The following SOX9 variants were observed in gnomAD, a reference collection of about 807,000 sequenced individuals.
SOX9 encodes SRY-box transcription factor 9, also known as transcription factor SOX-9.
Under a neutral mutation model 44.8 loss-of-function variants are expected in SOX9, and 2 were observed. The ratio of observed to expected loss-of-function variants is 0.04; its 90% CI spans 0.02 to 0.14. The LOEUF (loss-of-function observed/expected upper bound fraction) is 0.14. SOX9 is among the 10% of genes least tolerant of loss of function. The pLI is 1.00. For missense variants in SOX9, 583 were observed against 728.6 expected, an observed-to-expected ratio of 0.80 and a Z score of 2.30; for synonymous variants, 381 against 331.8, an observed-to-expected ratio of 1.15 and a Z score of -1.61.
rs761407840 is a variant in SOX9 at position 72,122,875 on chromosome 17, G to A, written c.588G>A (p.Thr196=). The change falls in exon 2 of 3, where the codon ACG becomes ACA. Residue 196 remains threonine (T), a synonymous_variant. Coordinates refer to ENST00000245479, the MANE Select transcript of SOX9 (RefSeq NM_000346.4). ...AGGCAGAGGAGGCCACGGAGCAGAC[G>A]CACATCTCCCCCAACGCCATCTTCA... ...QAEAEEATEQ[T]HISPNAIFKA... is the part of the protein sequence containing the mutation. The A allele has an allele frequency of 1.2e-6, 2 of 1,614,146 alleles. No homozygotes were observed. The highest frequency in any genetic ancestry group is 8.5e-7 in the Non-Finnish European group (1 of 1,180,026).
rs1252056295 is a variant in SOX9, at chr17:72,122,779, G to A, written c.492G>A (p.Gln164=). 3 of 1,614,120 alleles carry A rather than the reference G, an allele frequency of 1.9e-6. No individual in the cohort carries two copies. Among genetic ancestry groups the A allele is most frequent in the Admixed American group, 1.7e-5 (1 of 60,020 alleles). Residue 164 remains glutamine, a synonymous_variant, in exon 2 of 3, where the codon CAG becomes CAA. Transcript: ENST00000245479. ...AGGAGGCGGAGCGGCTGCGCGTGCA[G>A]CACAAGAAGGACCACCCGGATTACA... ...FVEEAERLRV[Q]HKKDHPDYKY...
rs2143236435 is a variant in SOX9, at chr17:72,121,431, C to A, written c.40C>A (p.Gln14Lys). The A allele has an allele frequency of 6.2e-7, 1 of 1,612,870 alleles. No homozygotes were observed. The highest frequency in any genetic ancestry group is 8.5e-7 in the Non-Finnish European group (1 of 1,179,876). The change falls in exon 1 of 3, where the codon CAG becomes AAG. Residue 14 changes from glutamine (Q) to lysine (K), a missense_variant. Gln to Lys is a moderately conservative substitution (Grantham distance 53). Transcript: ENST00000245479. The surrounding 1 kb of genome is among the most constrained non-coding windows in gnomAD (Gnocchi z 8.3). The stretch of plus-strand genomic sequence containing the variant: ...CCCCTTCATGAAGATGACCGACGAG[C>A]AGGAGAAGGGCCTGTCCGGCGCCCC... Reference protein sequence around the residue: ...LDPFMKMTDEQEKGLSGAPSP... With the variant: ...LDPFMKMTDEKEKGLSGAPSP...
Position 72,123,072 on chromosome 17 carries a change from C to A in SOX9, c.685+100C>A, listed in dbSNP as rs2143248310. 2.7e-6 allele frequency: 4 copies of A among 1,473,854 alleles called. No individual in the cohort carries two copies. Among genetic ancestry groups the A allele is most frequent in the Non-Finnish European group, 3.7e-6 (4 of 1,076,266 alleles). The allele number at this position is 1,473,854 out of a possible 1,614,324, so 91.3% of individuals were successfully genotyped here. A position where few individuals can be genotyped will look rare whatever the true frequency, so the allele number is the denominator to read the frequency against. On this transcript the variant is annotated intron_variant, in intron 2 of 2. Transcript: ENST00000245479. The surrounding 1 kb of genome is among the most constrained non-coding windows in gnomAD (Gnocchi z 6.5). ...GATTCTTCGTGGGGACTTTATGCTT[C>A]CCGGGAGGGACACACTGCCCTTTGC...
rs2143240860 is a variant in SOX9 at position 72,121,786 on chromosome 17, A to G, written c.395A>G (p.Asn132Ser). ...GCGGACCAGTACCCGCACTTGCACA[A>G]CGCCGAGCTCAGCAAGACGCTGGGC... ...KLADQYPHLH[N>S]AELSKTLGKL... Residue 132 changes from asparagine to serine, a missense_variant, in exon 1 of 3, where the codon AAC (asparagine) becomes AGC (serine). Transcript: ENST00000245479. The surrounding 1 kb of genome is among the most constrained non-coding windows in gnomAD (Gnocchi z 8.3). 6.3e-7 allele frequency: 1 copy of G among 1,594,958 alleles called. No individual in the cohort carries two copies. The highest frequency in any genetic ancestry group is 8.5e-7 in the Non-Finnish European group (1 of 1,171,542).
Position 72,125,855 on chromosome 17 carries a change from T to C in SOX9, c.*1468T>C. ...CAAATGTAGTGTATCACTGAGTCATTTGCAGTGTTTTCTGCCACAGACCTT... is the reference window on the plus strand; with the variant it reads ...CAAATGTAGTGTATCACTGAGTCATCTGCAGTGTTTTCTGCCACAGACCTT... On this transcript the variant is annotated 3_prime_UTR_variant, in exon 3 of 3. Transcript: ENST00000245479. 4.3e-6 allele frequency: 1 copy of C among 232,404 alleles called. No homozygotes were observed. Among genetic ancestry groups the C allele is most frequent in the East Asian group, 6.1e-5 (1 of 16,428 alleles). 14.4% of individuals were successfully genotyped at this position (232,404 alleles called of 1,614,324 possible).
chr17:72,123,425 G>A lies in SOX9; in HGVS notation c.686-118G>A, dbSNP rs551273259. On this transcript the variant is annotated intron_variant, in intron 2 of 2. Coordinates refer to ENST00000245479, the MANE Select transcript of SOX9 (RefSeq NM_000346.4). The surrounding 1 kb of genome is among the most constrained non-coding windows in gnomAD (Gnocchi z 6.5). Reference sequence around the variant, plus strand: ...CTCCGGTGCAGCGCGCCTCTTGCGCGGGTGCGGGCCCTTATTACACTTTAG... The same window carrying A: ...CTCCGGTGCAGCGCGCCTCTTGCGCAGGTGCGGGCCCTTATTACACTTTAG... 2 of 1,402,214 alleles carry A rather than the reference G, an allele frequency of 1.4e-6. No individual in the cohort carries two copies. The highest frequency in any genetic ancestry group is 2.0e-6 in the Non-Finnish European group (2 of 997,508). The allele number at this position is 1,402,214 out of a possible 1,614,324, so 86.9% of individuals were successfully genotyped here.
rs1598174846 is a variant in SOX9 at position 72,121,180 on chromosome 17, G to A, written c.-212G>A. On this transcript the variant is annotated 5_prime_UTR_variant, in exon 1 of 3. Transcript: ENST00000245479. The surrounding 1 kb of genome is among the most constrained non-coding windows in gnomAD (Gnocchi z 8.3). ...CTCCCCTCCTCCTCCTCTCCAATTCGCCTCCCCCCACTTGGAGCGGGCAGC... is the reference window on the plus strand; with the variant it reads ...CTCCCCTCCTCCTCCTCTCCAATTCACCTCCCCCCACTTGGAGCGGGCAGC... 1.0e-5 allele frequency: 6 copies of A among 579,528 alleles called. No homozygotes were observed. The East Asian group carries it at 1.2e-4, about 12-fold the overall frequency. 35.9% of individuals were successfully genotyped at this position (579,528 alleles called of 1,614,324 possible). A position where few individuals can be genotyped will look rare whatever the true frequency, so the allele number is the denominator to read the frequency against.
In SOX9 at chr17:72,125,954, T is replaced by C. The variant is rs140205038; in HGVS notation, c.*1567T>C. On this transcript the variant is annotated 3_prime_UTR_variant, in exon 3 of 3. Coordinates refer to ENST00000245479, the MANE Select transcript of SOX9 (RefSeq NM_000346.4). ...ACAAAAACAATGCAAGCATGTGTCA[T>C]CCATATTTCTCTGCATCTTCTCTTG... 28 of 232,792 alleles carry C rather than the reference T, an allele frequency of 1.2e-4. No individual in the cohort carries two copies. Among genetic ancestry groups the C allele is most frequent in the Non-Finnish European group, 2.0e-4 (24 of 117,672 alleles). The allele number at this position is 232,792 out of a possible 1,614,324, so 14.4% of individuals were successfully genotyped here.
chr17:72,124,105 A>G lies in SOX9; in HGVS notation c.1248A>G (p.Gln416=), dbSNP rs2143255935. The G allele has an allele frequency of 6.2e-7, 1 of 1,613,668 alleles. No homozygotes were observed. The highest frequency in any genetic ancestry group is 8.5e-7 in the Non-Finnish European group (1 of 1,179,958). The change falls in exon 3 of 3, where the codon CAA becomes CAG. Residue 416 remains glutamine (Q), a synonymous_variant. Transcript: ENST00000245479. The surrounding 1 kb of genome is among the most constrained non-coding windows in gnomAD (Gnocchi z 4.6). ...GCGAGCAGCAGCAGCACTCGCCCCA[A>G]CAGATCGCCTACAGCCCCTTCAACC... ...HYSEQQQHSP[Q]QIAYSPFNLP...
rs201601287 is a variant in SOX9, at chr17:72,124,511, TTTCTTC to T, written c.*137_*142del. 1.1e-5 allele frequency: 13 copies of T among 1,219,106 alleles called. No homozygotes were observed. The highest frequency in any genetic ancestry group is 1.9e-4 in the Middle Eastern group (1 of 5,186). The allele number at this position is 1,219,106 out of a possible 1,614,324, so 75.5% of individuals were successfully genotyped here. A position where few individuals can be genotyped will look rare whatever the true frequency, so the allele number is the denominator to read the frequency against. On this transcript the variant is annotated 3_prime_UTR_variant, in exon 3 of 3. Coordinates refer to ENST00000245479, the MANE Select transcript of SOX9 (RefSeq NM_000346.4). The surrounding 1 kb of genome is among the most constrained non-coding windows in gnomAD (Gnocchi z 4.6). The stretch of plus-strand genomic sequence containing the variant: ...TTTGTTTTTTTATTTTGTTTTGTTT[TTTCTTC>T]TTCTTCTTCTTCCTTAAAGACATTT...
Position 72,124,587 on chromosome 17 carries a change from AC to A in SOX9, c.*202del. ...CCCAAATTTCCAAGACACAAACATGACCTATCCAAGCGCATTACCCACTTGT... is the reference window on the plus strand; with the variant it reads ...CCCAAATTTCCAAGACACAAACATGACTATCCAAGCGCATTACCCACTTGT... On this transcript the variant is annotated 3_prime_UTR_variant, in exon 3 of 3. Transcript: ENST00000245479. This position sits in a 1 kb window ranked among gnomAD's most constrained non-coding sequence, Gnocchi z 4.6. 1 of 704,010 alleles carries A rather than the reference AC, an allele frequency of 1.4e-6. No individual in the cohort carries two copies. The highest frequency in any genetic ancestry group is 2.4e-6 in the Non-Finnish European group (1 of 412,712). The allele number at this position is 704,010 out of a possible 1,614,324, so 43.6% of individuals were successfully genotyped here. A position where few individuals can be genotyped will look rare whatever the true frequency, so the allele number is the denominator to read the frequency against.
Position 72,123,416 on chromosome 17 carries a change from C to T in SOX9, c.686-127C>T. On this transcript the variant is annotated intron_variant, in intron 2 of 2. Coordinates refer to ENST00000245479, the MANE Select transcript of SOX9 (RefSeq NM_000346.4). This position sits in a 1 kb window ranked among gnomAD's most constrained non-coding sequence, Gnocchi z 6.5. ...GCGACTTATCTCCGGTGCAGCGCGC[C>T]TCTTGCGCGGGTGCGGGCCCTTATT... The T allele has an allele frequency of 7.6e-7, 1 of 1,322,386 alleles. No homozygotes were observed. The highest frequency in any genetic ancestry group is 1.2e-5 in the South Asian group (1 of 80,172). 81.9% of individuals were successfully genotyped at this position (1,322,386 alleles called of 1,614,324 possible).
At chr17:72,122,603 C>A in intron 1 of SOX9, 116 bp from the exon 2 acceptor site, 1 of 878,790 alleles carries the variant, frequency 1.1e-6, no homozygotes, top group Non-Finnish European at 1.8e-6. Flanking sequence ...GAGTTGTGTG[C>A]AGAGGAAGCC....
At position 72,124,527 on chromosome 17, in the gene SOX9, T is replaced by C. The variant is rs752749349; in HGVS notation, c.*140T>C. The C allele has an allele frequency of 1.8e-5, 20 of 1,113,252 alleles. No individual in the cohort carries two copies. Among genetic ancestry groups the C allele is most frequent in the Admixed American group, 6.0e-5 (3 of 49,728 alleles). 69.0% of individuals were successfully genotyped at this position (1,113,252 alleles called of 1,614,324 possible). Reference sequence around the variant, plus strand: ...GTTTTGTTTTTTCTTCTTCTTCTTCTTCCTTAAAGACATTTAAGCTAAAGG... The same window carrying C: ...GTTTTGTTTTTTCTTCTTCTTCTTCCTCCTTAAAGACATTTAAGCTAAAGG... On this transcript the variant is annotated 3_prime_UTR_variant, in exon 3 of 3. Coordinates refer to ENST00000245479, the MANE Select transcript of SOX9 (RefSeq NM_000346.4). This position sits in a 1 kb window ranked among gnomAD's most constrained non-coding sequence, Gnocchi z 4.6.
intron 1 of SOX9, 116 bp from the exon 2 acceptor site, chr17:72,122,603 C>T: frequency 1.1e-6 from 1 of 878,790 alleles, no homozygotes; most frequent in South Asian, 1.5e-5. Context: ...GAGTTGTGTG[C>T]AGAGGAAGCC....
Position 72,122,955 on chromosome 17 carries a change from C to A in SOX9, c.668C>A (p.Ser223Tyr), listed in dbSNP as rs772806721. The stretch of plus-strand genomic sequence containing the variant: ...TCCTCCGGCATGAGCGAGGTGCACT[C>A]CCCCGGCGAGCACTCGGGTGAGTCG... Reference protein sequence around the residue: ...HSSSGMSEVHSPGEHSGQSQG... With the variant: ...HSSSGMSEVHYPGEHSGQSQG... Residue 223 changes from serine to tyrosine, a missense_variant, in exon 2 of 3, where the codon TCC becomes TAC. By Grantham distance (144) the Ser-to-Tyr change is moderately radical (BLOSUM62 -2). Transcript: ENST00000245479. 1.2e-6 allele frequency: 2 copies of A among 1,613,570 alleles called. No homozygotes were observed. Among genetic ancestry groups the A allele is most frequent in the Non-Finnish European group, 1.7e-6 (2 of 1,179,970 alleles).
chr17:72,124,937 T>C lies in SOX9; in HGVS notation c.*550T>C, dbSNP rs1908237114. 4.2e-6 allele frequency: 1 copy of C among 236,834 alleles called. No individual in the cohort carries two copies. The highest frequency in any genetic ancestry group is 5.0e-5 in the Admixed American group (1 of 20,112). 14.7% of individuals were successfully genotyped at this position (236,834 alleles called of 1,614,324 possible). A position where few individuals can be genotyped will look rare whatever the true frequency, so the allele number is the denominator to read the frequency against. On this transcript the variant is annotated 3_prime_UTR_variant, in exon 3 of 3. Coordinates refer to ENST00000245479, the MANE Select transcript of SOX9 (RefSeq NM_000346.4). The surrounding 1 kb of genome is among the most constrained non-coding windows in gnomAD (Gnocchi z 4.6). ...TTTCCAACAGCTAAACTACTCTTAG[T>C]TGAACAGTGTGCCCTAGCTTTTCTT...
At position 72,121,208 on chromosome 17, in the gene SOX9, T is replaced by C; in HGVS notation, c.-184T>C. The C allele has an allele frequency of 1.6e-6, 1 of 616,098 alleles. No individual in the cohort carries two copies. The highest frequency in any genetic ancestry group is 1.9e-5 in the African/African-American group (1 of 53,360). 38.2% of individuals were successfully genotyped at this position (616,098 alleles called of 1,614,324 possible). A position where few individuals can be genotyped will look rare whatever the true frequency, so the allele number is the denominator to read the frequency against. On this transcript the variant is annotated 5_prime_UTR_variant, in exon 1 of 3. Coordinates refer to ENST00000245479, the MANE Select transcript of SOX9 (RefSeq NM_000346.4). This position sits in a 1 kb window ranked among gnomAD's most constrained non-coding sequence, Gnocchi z 8.3. Reference sequence around the variant, plus strand: ...TCCCCCCACTTGGAGCGGGCAGCTGTGAACTGGCCACCCCGCGCCTTCCTA... The same window carrying C: ...TCCCCCCACTTGGAGCGGGCAGCTGCGAACTGGCCACCCCGCGCCTTCCTA...
Position 72,124,489 on chromosome 17 carries a change from GTTTTTTTA to G in SOX9, c.*107_*114del. On this transcript the variant is annotated 3_prime_UTR_variant, in exon 3 of 3. Coordinates refer to ENST00000245479, the MANE Select transcript of SOX9 (RefSeq NM_000346.4). The surrounding 1 kb of genome is among the most constrained non-coding windows in gnomAD (Gnocchi z 4.6). ...TCCCTTTGGACATTTGTGTTTTTTT[GTTTTTTTA>G]TTTTGTTTTGTTTTTTCTTCTTCTT... 7.0e-7 allele frequency: 1 copy of G among 1,433,012 alleles called. No individual in the cohort carries two copies. Among genetic ancestry groups the G allele is most frequent in the Admixed American group, 1.8e-5 (1 of 56,694 alleles). The allele number at this position is 1,433,012 out of a possible 1,614,324, so 88.8% of individuals were successfully genotyped here. A position where few individuals can be genotyped will look rare whatever the true frequency, so the allele number is the denominator to read the frequency against.
Sources: gnomAD v4.1 joint callset for allele counts on GRCh38, gnomAD v4.1.1 for gene constraint, Gnocchi (gnomAD v3.1) non-coding constraint, MANE v1.5 for transcripts, NCBI Gene and HGNC (gene_info 2026-07-23, HGNC 2026-07-21) for gene names.